UBR1: variants seen among roughly 807,000 people sequenced by gnomAD.
The protein encoded by UBR1 is ubiquitin protein ligase E3 component n-recognin 1.
A neutral mutation model predicts 242.1 loss-of-function variants in UBR1; 102 were observed. The ratio of observed to expected loss-of-function variants is 0.42; its 90% confidence interval spans 0.36 to 0.50. The LOEUF is 0.50. Among genes scored for constraint, UBR1 ranks in the 20% least tolerant of loss-of-function variants. The probability of loss-of-function intolerance (pLI) is 0.01; values close to 1 mark genes in which losing one functional copy is unlikely to be tolerated. For missense variants in UBR1, 1,772 were observed against 2,101.8 expected, an observed-to-expected ratio of 0.84 and a Z score of 3.07; for synonymous variants, 675 against 684.8, an observed-to-expected ratio of 0.99 and a Z score of 0.22.
intron 6 of UBR1, among the ~76,000 whole-genome samples, chr15:43,061,643 T>C (rs1048052470): frequency 1.3e-5 from 2 of 151,986 alleles, no homozygotes; most frequent in African/African-American, 4.8e-5. Flanking sequence ...AAGGAATGAA[T>C]TAACGGTATT....
intron 6 of UBR1, among the ~76,000 whole-genome samples, chr15:43,061,454 T>C (rs754147411): frequency 6.6e-6 from 1 of 152,092 alleles, no homozygotes. Flanking sequence ...CAATTTGCAA[T>C]TGCAAAATCA....
At chr15:43,064,446 C>T (rs2033728387) in intron 6 of UBR1, among the ~76,000 whole-genome samples, 1 of 152,050 alleles carries the variant, frequency 6.6e-6, no homozygotes, top group Admixed American at 6.6e-5. Flanking sequence ...TGAGAGCTGT[C>T]CAACAAGCAA....
Position 42,976,759 on chromosome 15 carries a change from T to G in UBR1, c.4327A>C (p.Thr1443Pro). The change falls in exon 39 of 47, where the codon ACC (threonine) becomes CCC (proline). Residue 1443 changes from threonine to proline, a missense_variant. Coordinates refer to ENST00000290650, the MANE Select transcript of UBR1 (RefSeq NM_174916.3). ...AGTATCTGAAGCATGTGTGCCATGG[T>G]GATCAAATGGAAGAGATAAAGGTGG... ...YNHLYLFHLI[T>P]MAHMLQILLT... 1 of 1,614,058 alleles carries G rather than the reference T, an allele frequency of 6.2e-7. No individual in the cohort carries two copies. Among genetic ancestry groups the G allele is most frequent in the Non-Finnish European group, 8.5e-7 (1 of 1,179,986 alleles).
chr15:43,087,338 G>A lies in UBR1; in HGVS notation c.82-1098C>T, dbSNP rs185999309. ...GAGGATGGCGTGAACCCAGGAGGCG[G>A]AGCTTGCAGTGAGCCGAGAATGCGC... On this transcript the variant is annotated intron_variant, in intron 1 of 46. Coordinates refer to ENST00000290650, the MANE Select transcript of UBR1 (RefSeq NM_174916.3). Among the ~76,000 whole-genome samples, 323 of 152,218 alleles carry A rather than the reference G, an allele frequency of 2.1e-3. 1 individual carries two copies. In the Middle Eastern group the frequency reaches 0.037, roughly 18 times the overall value.
At chr15:42,976,007 T>C (rs1255014693) in intron 39 of UBR1, among the ~76,000 whole-genome samples, 2 of 152,178 alleles carry the variant, frequency 1.3e-5, no homozygotes, top group African/African-American at 2.4e-5. Context: ...CATGAACCAC[T>C]GCACCCAGCC....
chr15:43,074,039 G>A (rs2033856765), intron 4 of UBR1, among the ~76,000 whole-genome samples: 1 of 152,134 alleles, frequency 6.6e-6, no homozygotes, highest in Non-Finnish European at 1.5e-5. Context: ...GTACTTTCTT[G>A]TGAAAATTTT....
At chr15:43,029,125 G>GCGCGCACACACACACACACACACACACA (rs750364868) in intron 21 of UBR1, among the ~76,000 whole-genome samples, 2 of 151,068 alleles carry the variant, frequency 1.3e-5, no homozygotes, top group African/African-American at 4.9e-5. Flanking sequence ...ACACACACAC[G>GCGCGCACACACACACACACACACACACA]CACACACACA....
At chr15:42,967,963 T>G (rs1218802507) in intron 40 of UBR1, among the ~76,000 whole-genome samples, 1 of 150,824 alleles carries the variant, frequency 6.6e-6, no homozygotes, top group Non-Finnish European at 1.5e-5. Flanking sequence ...ATATATGTAG[T>G]ATGTACTGTT....
chr15:43,059,702 T>C lies in UBR1; in HGVS notation c.985A>G (p.Ser329Gly), dbSNP rs572477955. ...CAAGAAAAACAGGAGGTATGCTTAC[T>C]TGAATAGCTCATAATTTTGTTCATC... is the stretch of plus-strand genomic sequence containing the variant. ...SWMNKIMSYS[S>G]DFRQIFCQAC... Residue 329 changes from serine to glycine, a missense_variant and splice_region_variant, in exon 8 of 47, where the codon AGT becomes GGT. Physicochemically the swap from Ser to Gly is moderately conservative, Grantham distance 56 (BLOSUM62 0). This residue lies in a region of UBR1 where 734 missense variants were observed against 893.3 expected (regional missense o/e 0.82). Coordinates refer to ENST00000290650, the MANE Select transcript of UBR1 (RefSeq NM_174916.3). The C allele has an allele frequency of 4.3e-6, 7 of 1,614,064 alleles. No individual in the cohort carries two copies. The East Asian group carries it at 1.6e-4, about 36-fold the overall frequency.
chr15:43,011,877 C>T (rs1444032013), intron 29 of UBR1: 1 of 447,342 alleles, frequency 2.2e-6, no homozygotes, highest in Admixed American at 2.4e-5. Context: ...GATGAATAAA[C>T]TATTATATAA....
rs2034036166 is a variant in UBR1 at position 43,086,372 on chromosome 15, G to A, written c.82-132C>T. 5 of 1,050,894 alleles carry A rather than the reference G, an allele frequency of 4.8e-6. No individual in the cohort carries two copies. In the South Asian group the frequency reaches 8.1e-5, roughly 17 times the overall value. 65.1% of individuals were successfully genotyped at this position (1,050,894 alleles called of 1,614,324 possible). A position where few individuals can be genotyped will look rare whatever the true frequency, so the allele number is the denominator to read the frequency against. On this transcript the variant is annotated intron_variant, in intron 1 of 46. Coordinates refer to ENST00000290650, the MANE Select transcript of UBR1 (RefSeq NM_174916.3). ...TATTTCATCTTTCACCAATACAGAA[G>A]GAAAGTGGGTGATTAAAAAAATTAA... is the stretch of plus-strand genomic sequence containing the variant.
intron 41 of UBR1, 114 bp from the exon 42 acceptor site, chr15:42,964,157 T>C (rs562765151): frequency 1.0e-5 from 8 of 782,674 alleles, no homozygotes; most frequent in Middle Eastern, 2.6e-4. Context: ...GTAGAGGGTA[T>C]ATTGCTTATT....
intron 33 of UBR1, among the ~76,000 whole-genome samples, chr15:42,991,578 G>C (rs2032558387): frequency 1.3e-5 from 2 of 150,958 alleles, no homozygotes; most frequent in Admixed American, 1.3e-4. Context: ...CTTCCTTTTG[G>C]GACTTCAATG....
intron 30 of UBR1, among the ~76,000 whole-genome samples, chr15:43,005,289 TG>T (rs1220335287): frequency 1.6e-5 from 2 of 122,168 alleles, no homozygotes; most frequent in East Asian, 2.6e-4. Context: ...GGGAGGGAGG[TG>T]GGGGGCAGCC....
At chr15:43,026,413 T>G in intron 23 of UBR1, 148 bp downstream of exon 23, 2 of 646,664 alleles carry the variant, frequency 3.1e-6, no homozygotes, top group Non-Finnish European at 5.4e-6. Flanking sequence ...TAGATAAGAT[T>G]ATTGATTCAA....
chr15:42,953,905 C>G (rs1003778868), intron 44 of UBR1, among the ~76,000 whole-genome samples: 3 of 137,728 alleles, frequency 2.2e-5, no homozygotes, highest in African/African-American at 8.2e-5. Context: ...TTTTTTGAGA[C>G]AGGGTCTGGC....
intron 4 of UBR1, 125 bp from the exon 5 acceptor site, chr15:43,071,050 C>G: frequency 7.6e-7 from 1 of 1,317,074 alleles, no homozygotes; most frequent in East Asian, 2.4e-5. Flanking sequence ...GGAATGAATT[C>G]AAGTTGAGCT....
intron 1 of UBR1, among the ~76,000 whole-genome samples, chr15:43,104,818 G>A (rs1798327743): frequency 6.6e-6 from 1 of 151,946 alleles, no homozygotes; most frequent in African/African-American, 2.4e-5. Flanking sequence ...TGGCCAACAT[G>A]GTGAAACCCC....
At chr15:42,968,985 C>T (rs545964569) in intron 40 of UBR1, among the ~76,000 whole-genome samples, 89 of 152,030 alleles carry the variant, frequency 5.9e-4, no homozygotes, top group Non-Finnish European at 1.1e-3. Flanking sequence ...CATATGTGTG[C>T]ATGTGTCTTT....
Sources: allele counts gnomAD v4.1 joint callset (sites outside exome capture counted in the v4.1 genomes callset), GRCh38; gene constraint gnomAD v4.1.1; regional missense constraint gnomAD v4.1.1; transcripts MANE v1.5; gene names NCBI Gene and HGNC (gene_info 2026-07-23, HGNC 2026-07-21).